The following CNTN5 variants were observed in gnomAD, a reference collection of about 807,000 sequenced individuals.
The protein encoded by CNTN5 is contactin-5.
Under a neutral mutation model 129.1 loss-of-function variants are expected in CNTN5, and 77 were observed. The ratio of observed to expected loss-of-function variants is 0.60; its 90% confidence interval spans 0.50 to 0.72. The LOEUF is 0.72. Ranked by LOEUF, CNTN5 falls within the 30% of genes least tolerant of loss-of-function variation. The pLI, the probability that CNTN5 is intolerant of heterozygous loss-of-function variation, is 0.00. For missense variants in CNTN5, 1,478 were observed against 1,328.8 expected (o/e 1.11, Z -1.75); for synonymous variants, 509 against 465.6 (o/e 1.09, Z -1.20).
chr11:99,777,836 T>C (rs887003670), intron 3 of CNTN5, among the ~76,000 whole-genome samples: 4 of 151,846 alleles, frequency 2.6e-5, no homozygotes, highest in African/African-American at 9.7e-5. Flanking sequence ...CACATACATA[T>C]GTACGATTTT....
chr11:99,072,733 A>G (rs1865389951), intron 1 of CNTN5, among the ~76,000 whole-genome samples: 1 of 152,094 alleles, frequency 6.6e-6, no homozygotes, highest in African/African-American at 2.4e-5. Context: ...AAAAATTGAG[A>G]TATAGCATAT....
At chr11:99,339,596 A>G (rs1360340136) in intron 2 of CNTN5, among the ~76,000 whole-genome samples, 1 of 151,932 alleles carries the variant, frequency 6.6e-6, no homozygotes, top group Non-Finnish European at 1.5e-5. Flanking sequence ...TGGCTAACAC[A>G]GTGAAACCCC....
In CNTN5 at chr11:99,580,191, T is replaced by C. The variant is rs180964338; in HGVS notation, c.55+23922T>C. 4.2e-3 allele frequency among the ~76,000 whole-genome samples: 636 copies of C among 152,314 alleles called. 3 individuals are homozygous for C. The highest frequency in any genetic ancestry group is 0.015 in the African/African-American group (604 of 41,552). On this transcript the variant is annotated intron_variant, in intron 3 of 24. Transcript: ENST00000524871. The stretch of plus-strand genomic sequence containing the variant: ...CCCAGGGATGAAGCCCACTTGATCA[T>C]GGTGGATAAGCTTTTTGATGTGTTG...
chr11:99,338,169 A>C (rs1224026797), intron 2 of CNTN5, among the ~76,000 whole-genome samples: 1 of 152,352 alleles, frequency 6.6e-6, no homozygotes, highest in African/African-American at 2.4e-5. Flanking sequence ...TAAATATGCA[A>C]CACAATGAAA....
chr11:99,595,237 C>T lies in CNTN5; in HGVS notation c.55+38968C>T, dbSNP rs140132157. Among the ~76,000 whole-genome samples the T allele has an allele frequency of 2.9e-3, 443 of 152,062 alleles. 4 individuals are homozygous for T. Among genetic ancestry groups the T allele is most frequent in the African/African-American group, 0.01 (418 of 41,446 alleles). On this transcript the variant is annotated intron_variant, in intron 3 of 24. Coordinates refer to ENST00000524871, the MANE Select transcript of CNTN5 (RefSeq NM_014361.4). ...TGTTGCCACTACAAAAAAAGGTAAA[C>T]GTTTAAAGTGATTGATATGGTAATT...
intron 6 of CNTN5, among the ~76,000 whole-genome samples, chr11:99,887,232 C>A (rs1478049281): frequency 6.6e-6 from 1 of 152,176 alleles, no homozygotes; most frequent in Non-Finnish European, 1.5e-5. Flanking sequence ...CCAAGATTTC[C>A]ACCGTGGTTT....
intron 1 of CNTN5, among the ~76,000 whole-genome samples, chr11:99,314,316 T>C (rs960521749): frequency 2.6e-5 from 4 of 152,082 alleles, no homozygotes; most frequent in African/African-American, 9.7e-5. Flanking sequence ...ATCTCACAAC[T>C]ATACAGATGC....
chr11:99,638,769 T>C (rs1951659859), intron 3 of CNTN5, among the ~76,000 whole-genome samples: 1 of 152,188 alleles, frequency 6.6e-6, no homozygotes, highest in Admixed American at 6.5e-5. Context: ...TGGGTTCCCA[T>C]GATCTTGGCC....
chr11:99,094,617 A>C, intron 1 of CNTN5, among the ~76,000 whole-genome samples: 1 of 151,942 alleles, frequency 6.6e-6, no homozygotes, highest in East Asian at 1.9e-4. Context: ...AAAAAAGAAA[A>C]ATTTACACAA....
Position 99,658,902 on chromosome 11 carries a change from A to AAG in CNTN5, c.55+102634_55+102635insGA, listed in dbSNP as rs1453667820. 2.8e-4 allele frequency among the ~76,000 whole-genome samples: 41 copies of AAG among 147,866 alleles called. No homozygotes were observed. In the East Asian group the frequency reaches 6.4e-3, roughly 23 times the overall value. On this transcript the variant is annotated intron_variant, in intron 3 of 24. Coordinates refer to ENST00000524871, the MANE Select transcript of CNTN5 (RefSeq NM_014361.4). ...AAACTCTGTCTCAAAAAAAAAAAAA[A>AAG]AAAGAAAAAGAAAAATATAATGAGT...
intron 6 of CNTN5, among the ~76,000 whole-genome samples, chr11:99,852,227 T>C (rs1947895846): frequency 2.0e-5 from 3 of 152,226 alleles, no homozygotes; most frequent in Non-Finnish European, 4.4e-5. Flanking sequence ...ATAATTACTT[T>C]GGTCATAATA....
rs1321490782 is a variant in CNTN5 at position 100,011,469 on chromosome 11, G to A, written c.980+9333G>A. On this transcript the variant is annotated intron_variant, in intron 9 of 24. Transcript: ENST00000524871. Reference sequence around the variant, plus strand: ...TCTCTCTTTTTAAAAAATTTTACATGTTTCTTATCTTGCTCTTGCAGCCAT... The same window carrying A: ...TCTCTCTTTTTAAAAAATTTTACATATTTCTTATCTTGCTCTTGCAGCCAT... 2.6e-5 allele frequency among the ~76,000 whole-genome samples: 4 copies of A among 152,126 alleles called. No homozygotes were observed. The East Asian group carries it at 7.7e-4, about 29-fold the overall frequency.
intron 2 of CNTN5, among the ~76,000 whole-genome samples, chr11:99,408,257 T>TGCCCAGG (rs1379652228): frequency 2.0e-5 from 3 of 151,042 alleles, no homozygotes; most frequent in Non-Finnish European, 4.4e-5. Context: ...ATTACTCTGT[T>TGCCCAGG]GCCCAGGCTG....
At chr11:99,337,445 A>G (rs977248296) in intron 2 of CNTN5, among the ~76,000 whole-genome samples, 1 of 152,246 alleles carries the variant, frequency 6.6e-6, no homozygotes, top group African/African-American at 2.4e-5. Flanking sequence ...ATTAACTAAA[A>G]GTATCCCTTA....
intron 4 of CNTN5, among the ~76,000 whole-genome samples, chr11:99,827,190 C>A (rs531404060): frequency 6.6e-6 from 1 of 152,096 alleles, no homozygotes; most frequent in Admixed American, 6.6e-5. Context: ...AGGGTTCAAG[C>A]GATTCTCTAA....
intron 16 of CNTN5, among the ~76,000 whole-genome samples, chr11:100,235,921 C>T (rs1480054695): frequency 6.6e-6 from 1 of 152,066 alleles, no homozygotes; most frequent in Non-Finnish European, 1.5e-5. Flanking sequence ...CCAGGTCTGT[C>T]CCACAGACCC....
At chr11:99,552,639 T>C (rs1948531257) in intron 2 of CNTN5, among the ~76,000 whole-genome samples, 1 of 152,130 alleles carries the variant, frequency 6.6e-6, no homozygotes, top group Admixed American at 6.6e-5. Context: ...GGACACAGTA[T>C]GTGCTTGGCA....
chr11:99,255,516 A>G (rs1321927385), intron 1 of CNTN5, among the ~76,000 whole-genome samples: 1 of 151,458 alleles, frequency 6.6e-6, no homozygotes, highest in African/African-American at 2.4e-5. Context: ...TAAATACTTT[A>G]GAGTCACATA....
At chr11:100,149,893 CAAAA>C (rs36016957) in intron 13 of CNTN5, among the ~76,000 whole-genome samples, 1 of 117,148 alleles carries the variant, frequency 8.5e-6, no homozygotes, top group Non-Finnish European at 1.8e-5. Flanking sequence ...GACTCCATCT[CAAAA>C]AAAAAAAAAA....
Sources: gnomAD v4.1 joint callset for allele counts (sites outside exome capture counted in the v4.1 genomes callset) on GRCh38, gnomAD v4.1.1 for gene constraint, MANE v1.5 for transcripts, NCBI Gene and HGNC (gene_info 2026-07-23, HGNC 2026-07-21) for gene names.